The following EHD4 variants were observed in gnomAD, a reference collection of about 807,000 sequenced individuals.
The protein encoded by EHD4 is EH domain containing 4.
In EHD4, 37 loss-of-function variants were observed where a neutral mutation model predicts 51.0. The ratio of observed to expected loss-of-function variants is 0.73; its 90% CI spans 0.56 to 0.95. The LOEUF (loss-of-function observed/expected upper bound fraction) is 0.95, where lower values mean the gene tolerates loss of function less well. Ranked by LOEUF, EHD4 falls within the 40% of genes least tolerant of loss-of-function variation. EHD4 has a pLI of 0.00. For missense variants in EHD4, 632 were observed against 733.1 expected, an observed-to-expected ratio of 0.86 and a Z score of 1.59; for synonymous variants, 297 against 317.3, an observed-to-expected ratio of 0.94 and a Z score of 0.68.
At chr15:41,969,439 G>A (rs948909730) in intron 1 of EHD4, among the ~76,000 whole-genome samples, 8 of 152,140 alleles carry the variant, frequency 5.3e-5, no homozygotes, top group Admixed American at 1.3e-4. Context: ...CCAGCTACTC[G>A]GGAGGCTGAG....
At chr15:41,951,562 C>T (rs2067852708) in intron 2 of EHD4, among the ~76,000 whole-genome samples, 1 of 152,100 alleles carries the variant, frequency 6.6e-6, no homozygotes, top group African/African-American at 2.4e-5. Flanking sequence ...TGAATTCAGA[C>T]TTCACAAAGT....
chr15:41,898,399 T>C lies in EHD4; in HGVS notation c.*2246A>G, dbSNP rs1324906494. 1 of 152,256 alleles carries C rather than the reference T, an allele frequency of 6.6e-6. No individual in the cohort carries two copies. Among genetic ancestry groups the C allele is most frequent in the East Asian group, 1.9e-4 (1 of 5,206 alleles). The allele number at this position is 152,256 out of a possible 1,614,324, so 9.4% of individuals were successfully genotyped here. A position where few individuals can be genotyped will look rare whatever the true frequency, so the allele number is the denominator to read the frequency against. ...ACACACATGTATATAAATTCATGTT[T>C]ATATATGACAATTGAGGAGAGTTAA... On this transcript the variant is annotated 3_prime_UTR_variant, in exon 6 of 6. Transcript: ENST00000220325.
intron 5 of EHD4, among the ~76,000 whole-genome samples, chr15:41,901,408 C>T (rs1595528174): frequency 6.6e-6 from 1 of 152,304 alleles, no homozygotes; most frequent in South Asian, 2.1e-4. Flanking sequence ...TGCTGGTGGC[C>T]GCATGAGCGA....
At chr15:41,913,990 T>C (rs987939265) in intron 4 of EHD4, among the ~76,000 whole-genome samples, 13 of 152,198 alleles carry the variant, frequency 8.5e-5, no homozygotes, top group Non-Finnish European at 1.8e-4. Flanking sequence ...TATATGAATG[T>C]ATATGTAGTT....
intron 1 of EHD4, among the ~76,000 whole-genome samples, chr15:41,959,279 C>T (rs959081743): frequency 1.3e-5 from 2 of 151,800 alleles, no homozygotes; most frequent in Middle Eastern, 3.4e-3. Context: ...GCCTGTAGTC[C>T]CAGCTACTCG....
chr15:41,915,303 C>T (rs922354251), intron 4 of EHD4, among the ~76,000 whole-genome samples: 6 of 152,206 alleles, frequency 3.9e-5, no homozygotes, highest in African/African-American at 7.2e-5. Context: ...GTCTCGAACT[C>T]CTGACCTCAA....
chr15:41,951,671 G>T (rs1234078130), intron 2 of EHD4, among the ~76,000 whole-genome samples: 1 of 152,116 alleles, frequency 6.6e-6, no homozygotes, highest in African/African-American at 2.4e-5. Context: ...AGGACCCCAG[G>T]GAAGCCTTCC....
intron 3 of EHD4, 140 bp downstream of exon 3, chr15:41,942,927 G>T (rs1408393808): frequency 3.0e-6 from 2 of 670,136 alleles, no homozygotes; most frequent in South Asian, 1.7e-5. Flanking sequence ...TGAACTCCTG[G>T]TTGACACTTG....
intron 3 of EHD4, among the ~76,000 whole-genome samples, chr15:41,938,288 T>A (rs2067744835): frequency 6.6e-6 from 1 of 152,250 alleles, no homozygotes; most frequent in Non-Finnish European, 1.5e-5. Context: ...GGCGCCTTTT[T>A]GATTCTTGAG....
At chr15:41,933,960 C>A (rs982611707) in intron 3 of EHD4, among the ~76,000 whole-genome samples, 4 of 152,116 alleles carry the variant, frequency 2.6e-5, no homozygotes, top group African/African-American at 9.7e-5. Flanking sequence ...GCGGGACAGT[C>A]ACCTCTGCTT....
At chr15:41,902,734 T>C (rs1405435269) in intron 5 of EHD4, among the ~76,000 whole-genome samples, 1 of 151,274 alleles carries the variant, frequency 6.6e-6, no homozygotes, top group Non-Finnish European at 1.5e-5. Context: ...TAGACCCATA[T>C]ATATATATAT....
In EHD4 at chr15:41,901,146, G is replaced by A; in HGVS notation, c.1125C>T (p.His375=). ...QLENYDFTKF[H]SLKPKLIEAV... ...CCTCGATCAGCTTGGGCTTCAGCGA[G>A]TGGAATTTGGTGAAGTCATAGTTCT... The change falls in exon 6 of 6, where the codon CAC becomes CAT. Residue 375 remains histidine (H), a synonymous_variant. Coordinates refer to ENST00000220325, the MANE Select transcript of EHD4 (RefSeq NM_139265.4). The A allele has an allele frequency of 6.4e-7, 1 of 1,568,856 alleles. No homozygotes were observed. Among genetic ancestry groups the A allele is most frequent in the Non-Finnish European group, 8.6e-7 (1 of 1,160,390 alleles).
At chr15:41,905,626 T>C (rs941892519) in intron 5 of EHD4, among the ~76,000 whole-genome samples, 4 of 152,182 alleles carry the variant, frequency 2.6e-5, no homozygotes, top group Non-Finnish European at 1.5e-5. Context: ...ACAAGAAACA[T>C]GTGTCCTTAC....
At chr15:41,923,849 A>C (rs888626350) in intron 3 of EHD4, among the ~76,000 whole-genome samples, 11 of 152,226 alleles carry the variant, frequency 7.2e-5, no homozygotes, top group Admixed American at 1.3e-4. Context: ...GACAGATTTT[A>C]AAACTCACCC....
At chr15:41,971,169 T>G (rs78283797) in intron 1 of EHD4, among the ~76,000 whole-genome samples, 2,306 of 152,312 alleles carry the variant, frequency 0.015, 53 homozygotes, top group African/African-American at 0.053. Context: ...TAGGAACTAT[T>G]TAGGTCACTG....
chr15:41,946,788 TC>T (rs1355974070), intron 2 of EHD4, among the ~76,000 whole-genome samples: 2 of 152,054 alleles, frequency 1.3e-5, no homozygotes, highest in Non-Finnish European at 2.9e-5. Flanking sequence ...ACTTAAAATT[TC>T]CCCCAAACAC....
At chr15:41,966,305 G>A (rs568004545) in intron 1 of EHD4, among the ~76,000 whole-genome samples, 1 of 152,190 alleles carries the variant, frequency 6.6e-6, no homozygotes, top group African/African-American at 2.4e-5. Flanking sequence ...TACTGGTTCT[G>A]TTTCAGTCCT....
rs779887758 is a variant in EHD4 at position 41,962,449 on chromosome 15, CA to C, written c.237-8510del. 1.3e-3 allele frequency among the ~76,000 whole-genome samples: 189 copies of C among 148,020 alleles called. 1 individual carries two copies. Among genetic ancestry groups the C allele is most frequent in the Non-Finnish European group, 2.1e-3 (145 of 67,464 alleles). ...CACGAGACAAAGGTCCTAACAGACT[CA>C]ATATAGTATTTAATAACTTAGCGTA... On this transcript the variant is annotated intron_variant, in intron 1 of 5. Coordinates refer to ENST00000220325, the MANE Select transcript of EHD4 (RefSeq NM_139265.4).
At chr15:41,949,955 C>T (rs145056168) in intron 2 of EHD4, among the ~76,000 whole-genome samples, 61 of 152,246 alleles carry the variant, frequency 4.0e-4, no homozygotes, top group Admixed American at 5.9e-4. Context: ...GCAACTGCCT[C>T]CTGATAGCAA....
Sources: gnomAD v4.1 joint callset for allele counts (sites outside exome capture counted in the v4.1 genomes callset) on GRCh38, gnomAD v4.1.1 for gene constraint, MANE v1.5 for transcripts, NCBI Gene and HGNC (gene_info 2026-07-23, HGNC 2026-07-21) for gene names.